PARP4: variants seen among roughly 807,000 people sequenced by gnomAD.
PARP4 encodes poly(ADP-ribose) polymerase family member 4, also known as protein mono-ADP-ribosyltransferase PARP4.
Under a neutral mutation model 187.7 loss-of-function variants are expected in PARP4, and 120 were observed. The observed-to-expected ratio is 0.64, with a 90% CI of 0.55 to 0.74. PARP4 has a LOEUF of 0.74. PARP4 is among the 30% of genes least tolerant of loss of function. The probability of loss-of-function intolerance (pLI) is 0.00; values close to 1 mark genes in which losing one functional copy is unlikely to be tolerated. For synonymous variants in PARP4, 654 were observed against 740.9 expected (o/e 0.88, Z 1.90); for missense variants, 1,836 against 2,070.5 (o/e 0.89, Z 2.20).
chr13:24,458,360 C>T lies in PARP4; in HGVS notation c.2424+684G>A, dbSNP rs567904539. On this transcript the variant is annotated intron_variant, in intron 20 of 33. Transcript: ENST00000381989. ...TCCTGACCTCGTGATCCACCCACCTCAGCCTCCCAAAGTGCTGGGATTACA... is the reference window on the plus strand; with the variant it reads ...TCCTGACCTCGTGATCCACCCACCTTAGCCTCCCAAAGTGCTGGGATTACA... Among the ~76,000 whole-genome samples the T allele has an allele frequency of 7.2e-5, 11 of 151,998 alleles. No homozygotes were observed. The South Asian group carries it at 1.7e-3, about 23-fold the overall frequency.
chr13:24,475,420 G>A, intron 15 of PARP4, 52 bp downstream of exon 15: 4 of 1,516,782 alleles, frequency 2.6e-6, no homozygotes, highest in Non-Finnish European at 3.6e-6. Context: ...AAATTCTCAT[G>A]TATGGTTTAC....
intron 33 of PARP4, among the ~76,000 whole-genome samples, chr13:24,421,665 G>A (rs1039267925): frequency 6.6e-6 from 1 of 152,258 alleles, no homozygotes; most frequent in East Asian, 1.9e-4. Flanking sequence ...ACAAACTCAA[G>A]TACTATTTCA....
rs187928945 is a variant in PARP4 at position 24,470,830 on chromosome 13, T to C, written c.1915-805A>G. ...CAAGCTTGGCTGCCCCTAGGGTGTG[T>C]AGGGTGCCAGGCAAAATTTTTCAAG... On this transcript the variant is annotated intron_variant, in intron 15 of 33. Transcript: ENST00000381989. Among the ~76,000 whole-genome samples the C allele has an allele frequency of 4.1e-3, 625 of 152,038 alleles. 3 individuals carry two copies. The highest frequency in any genetic ancestry group is 0.014 in the African/African-American group (600 of 41,464).
chr13:24,468,251 A>G (rs9581064), intron 17 of PARP4, among the ~76,000 whole-genome samples: 77,399 of 152,000 alleles, frequency 0.51, 20,023 homozygotes, highest in South Asian at 0.65. Context: ...CCTCTTCCAC[A>G]CTGTCCACGT....
chr13:24,510,828 C>T (rs1869976880), intron 1 of PARP4, among the ~76,000 whole-genome samples: 1 of 149,716 alleles, frequency 6.7e-6, no homozygotes, highest in African/African-American at 2.6e-5. Flanking sequence ...GGGTCTGGCT[C>T]TGTCTCCCAA....
intron 17 of PARP4, among the ~76,000 whole-genome samples, chr13:24,460,822 C>T (rs1392210898): frequency 1.3e-5 from 2 of 152,088 alleles, no homozygotes; most frequent in East Asian, 1.9e-4. Flanking sequence ...ACTACAGGCA[C>T]GCACCACCAT....
Position 24,460,116 on chromosome 13 carries a change from A to G in PARP4, c.2154T>C (p.Val718=). 1.2e-6 allele frequency: 2 copies of G among 1,613,196 alleles called. No individual in the cohort carries two copies. The highest frequency in any genetic ancestry group is 1.7e-6 in the Non-Finnish European group (2 of 1,179,700). Residue 718 remains valine, a synonymous_variant, in exon 18 of 34, where the codon GTT becomes GTC. Coordinates refer to ENST00000381989, the MANE Select transcript of PARP4 (RefSeq NM_006437.4). ...QDAPDVFTVS[V]GNLPPKAKVL... is the part of the protein sequence containing the mutation. ...CCTTAGCCTTAGGGGGTAAGTTTCC[A>G]ACACTTACAGTAAAAACGTCCTGAA...
Position 24,501,702 on chromosome 13 carries a change from C to T in PARP4, c.265G>A (p.Val89Ile), listed in dbSNP as rs1289103846. The part of the protein sequence containing the change: ...KSIREKRLLD[V>I]KNYDPYKPLD... Reference sequence around the variant, plus strand: ...GGCTTATAAGGATCATAATTCTTTACATCCAAGAGTCTCTTTTCCCTGATA... The same window carrying T: ...GGCTTATAAGGATCATAATTCTTTATATCCAAGAGTCTCTTTTCCCTGATA... The change falls in exon 3 of 34, where the codon GTA (valine) becomes ATA (isoleucine). Residue 89 changes from valine (V) to isoleucine (I), a missense_variant. Val to Ile is a conservative substitution (Grantham distance 29). Around this residue, in one of 8 missense-constraint regions of PARP4, gnomAD observed 1,147 missense variants for 1,214.2 expected, o/e 0.94. Coordinates refer to ENST00000381989, the MANE Select transcript of PARP4 (RefSeq NM_006437.4). 1.2e-6 allele frequency: 2 copies of T among 1,613,156 alleles called. No individual in the cohort carries two copies. Among genetic ancestry groups the T allele is most frequent in the Non-Finnish European group, 1.7e-6 (2 of 1,179,272 alleles).
chr13:24,508,239 C>T (rs1270253892), intron 1 of PARP4, among the ~76,000 whole-genome samples: 1 of 152,154 alleles, frequency 6.6e-6, no homozygotes, highest in East Asian at 1.9e-4. Flanking sequence ...AGGACAGCCT[C>T]TATGTGATAA....
intron 17 of PARP4, among the ~76,000 whole-genome samples, chr13:24,468,151 G>A (rs1872567846): frequency 2.6e-5 from 4 of 152,124 alleles, no homozygotes; most frequent in Admixed American, 1.3e-4. Flanking sequence ...AGAGTTAGAC[G>A]CTGACTACAC....
intron 1 of PARP4, among the ~76,000 whole-genome samples, chr13:24,504,267 G>A (rs1869477435): frequency 7.0e-6 from 1 of 143,746 alleles, no homozygotes; most frequent in South Asian, 2.2e-4. Context: ...AATGGAATAT[G>A]TATGTGTGTG....
chr13:24,510,365 T>TAA (rs1832397219), intron 1 of PARP4, among the ~76,000 whole-genome samples: 1 of 151,852 alleles, frequency 6.6e-6, no homozygotes, highest in Non-Finnish European at 1.5e-5. Flanking sequence ...CCATCCCGGC[T>TAA]AAAACGGTGA....
rs1188052521 is a variant in PARP4, at chr13:24,487,906, G to A, written c.1215-1601C>T. On this transcript the variant is annotated intron_variant, in intron 10 of 33. Transcript: ENST00000381989. ...GTTATATTATCTCAGGGTTGTCTTTGGGTGGTGAGATTTTGAGTGATTTTT... is the reference window on the plus strand; with the variant it reads ...GTTATATTATCTCAGGGTTGTCTTTAGGTGGTGAGATTTTGAGTGATTTTT... 1.1e-4 allele frequency among the ~76,000 whole-genome samples: 17 copies of A among 152,280 alleles called. No homozygotes were observed. In the South Asian group the frequency reaches 3.5e-3, roughly 32 times the overall value.
Position 24,435,098 on chromosome 13 carries a change from G to A in PARP4, c.4043C>T (p.Ala1348Val). The A allele has an allele frequency of 6.2e-7, 1 of 1,614,188 alleles. No individual in the cohort carries two copies. Among genetic ancestry groups the A allele is most frequent in the Non-Finnish European group, 8.5e-7 (1 of 1,180,044 alleles). Residue 1348 changes from alanine to valine, a missense_variant, in exon 31 of 34, where the codon GCT becomes GTT. Physicochemically the swap from Ala to Val is moderately conservative, Grantham distance 64. Coordinates refer to ENST00000381989, the MANE Select transcript of PARP4 (RefSeq NM_006437.4). The stretch of plus-strand genomic sequence containing the variant: ...GGGAGGAGCAGCTGAACCGAAACTA[G>A]CTACCTGACGATATGAGGCAAAAGA... ...SLSFASYRQV[A>V]SFGSAAPPRQ...
chr13:24,434,467 C>A lies in PARP4; in HGVS notation c.4674G>T (p.Glu1558Asp). 3.1e-6 allele frequency: 5 copies of A among 1,611,680 alleles called. No homozygotes were observed. The highest frequency in any genetic ancestry group is 3.4e-6 in the Non-Finnish European group (4 of 1,178,304). The change falls in exon 31 of 34, where the codon GAG becomes GAT. Residue 1558 changes from glutamate (E) to aspartate (D), a missense_variant. Around this residue, in one of 8 missense-constraint regions of PARP4, gnomAD observed 450 missense variants for 439.2 expected, o/e 1.02. Transcript: ENST00000381989. Reference protein sequence around the residue: ...SILCFLEVKEEDEIVCIQHWQ... With the variant: ...SILCFLEVKEDDEIVCIQHWQ... ...AGTGTTGTATGCACACTATTTCATCCTCTTCTTTTACTTCCAGAAAGCACA... is the reference window on the plus strand; with the variant it reads ...AGTGTTGTATGCACACTATTTCATCATCTTCTTTTACTTCCAGAAAGCACA...
At chr13:24,463,348 T>C (rs9511279) in intron 17 of PARP4, among the ~76,000 whole-genome samples, 77,249 of 151,806 alleles carry the variant, frequency 0.51, 19,971 homozygotes, top group South Asian at 0.65. Context: ...GAATGCACTC[T>C]TTGCTAGCAC....
rs576284463 is a variant in PARP4 at position 24,493,208 on chromosome 13, A to T, written c.879+388T>A. Among the ~76,000 whole-genome samples the T allele has an allele frequency of 9.2e-5, 14 of 152,316 alleles. No individual in the cohort carries two copies. In the East Asian group the frequency reaches 2.7e-3, roughly 29 times the overall value. ...GTCTGGAGGCATGCCTGCCTTTCCT[A>T]AGACAGAAGGTGCAAGACTGTGGAG... On this transcript the variant is annotated intron_variant, in intron 8 of 33. Transcript: ENST00000381989.
At chr13:24,461,621 T>C (rs183173318) in intron 17 of PARP4, among the ~76,000 whole-genome samples, 2 of 152,042 alleles carry the variant, frequency 1.3e-5, no homozygotes, top group Admixed American at 1.3e-4. Context: ...TTTCCCCATA[T>C]CCCCACAGCC....
intron 22 of PARP4, among the ~76,000 whole-genome samples, chr13:24,454,358 G>T (rs1871705576): frequency 6.6e-6 from 1 of 152,192 alleles, no homozygotes; most frequent in African/African-American, 2.4e-5. Context: ...GGGAAAAGGG[G>T]CTGGGTCTTC....
Sources: gnomAD v4.1 joint callset for allele counts (sites outside exome capture counted in the v4.1 genomes callset) on GRCh38, gnomAD v4.1.1 for gene constraint, gnomAD v4.1.1 regional missense constraint, MANE v1.5 for transcripts, NCBI Gene and HGNC (gene_info 2026-07-23, HGNC 2026-07-21) for gene names.